Variants in AKAP6 observed in about 807,000 individuals in gnomAD.
AKAP6 encodes A-kinase anchor protein 6.
A neutral mutation model predicts 188.5 loss-of-function variants in AKAP6; 58 were observed. That is an observed-to-expected ratio of 0.31 (90% CI 0.25 to 0.38). The LOEUF (loss-of-function observed/expected upper bound fraction) is 0.38. Among genes scored for constraint, AKAP6 ranks in the 10% least tolerant of loss-of-function variants. The probability of loss-of-function intolerance (pLI) is 1.00; values close to 1 mark genes in which losing one functional copy is unlikely to be tolerated. For missense variants in AKAP6, 2,710 were observed against 2,740.0 expected, an observed-to-expected ratio of 0.99 and a Z score of 0.24; for synonymous variants, 989 against 998.6, an observed-to-expected ratio of 0.99 and a Z score of 0.18.
intron 2 of AKAP6, among the ~76,000 whole-genome samples, chr14:32,460,131 C>CAG (rs1397557770): frequency 2.0e-5 from 3 of 151,966 alleles, no homozygotes; most frequent in Non-Finnish European, 2.9e-5. Flanking sequence ...GAGAATTGGA[C>CAG]AGAGAGAGAG....
Position 32,545,960 on chromosome 14 carries a change from A to G in AKAP6, c.1307A>G (p.Lys436Arg). 1 of 1,614,180 alleles carries G rather than the reference A, an allele frequency of 6.2e-7. No homozygotes were observed. Among genetic ancestry groups the G allele is most frequent in the Non-Finnish European group, 8.5e-7 (1 of 1,180,022 alleles). The change falls in exon 4 of 14, where the codon AAA becomes AGA. Residue 436 changes from lysine to arginine, a missense_variant. Lys to Arg is a conservative substitution (Grantham distance 26). Coordinates refer to ENST00000280979, the MANE Select transcript of AKAP6 (RefSeq NM_004274.5). Reference protein sequence around the residue: ...PSLVDPPDRSKLCLVLQSSYP... With the variant: ...PSLVDPPDRSRLCLVLQSSYP... ...CTAGTAGATCCTCCTGACAGATCCA[A>G]ACTTTGCCTGGTATTGCAGTCTTCT...
intron 2 of AKAP6, among the ~76,000 whole-genome samples, chr14:32,450,361 A>AT (rs1325894312): frequency 2.0e-5 from 3 of 151,854 alleles, no homozygotes; most frequent in African/African-American, 7.3e-5. Flanking sequence ...AGAGGGATTG[A>AT]TTTGTGGCAA....
intron 1 of AKAP6, among the ~76,000 whole-genome samples, chr14:32,397,289 C>A (rs374394151): frequency 6.6e-6 from 1 of 151,950 alleles, no homozygotes. Flanking sequence ...TCTAGCTATT[C>A]ATTGGAACAG....
intron 2 of AKAP6, among the ~76,000 whole-genome samples, chr14:32,528,492 T>TG (rs1279501424): frequency 6.6e-6 from 1 of 152,190 alleles, no homozygotes; most frequent in Non-Finnish European, 1.5e-5. Flanking sequence ...CTGTTACTTA[T>TG]GGGGGCCTAC....
intron 11 of AKAP6, among the ~76,000 whole-genome samples, chr14:32,742,688 CTT>C (rs2139869291): frequency 6.6e-6 from 1 of 151,888 alleles, no homozygotes; most frequent in East Asian, 1.9e-4. Flanking sequence ...CAAAATTTTT[CTT>C]GTTATTGATT....
chr14:32,769,029 C>T (rs2032804594), intron 11 of AKAP6, among the ~76,000 whole-genome samples: 1 of 54,320 alleles, frequency 1.8e-5, no homozygotes, highest in Non-Finnish European at 4.4e-5. Context: ...GATGCAGCTG[C>T]TCTTTTGATT....
chr14:32,552,638 A>G (rs1883526234), intron 4 of AKAP6, among the ~76,000 whole-genome samples: 1 of 152,232 alleles, frequency 6.6e-6, no homozygotes, highest in Admixed American at 6.5e-5. Context: ...GGTGATTAAG[A>G]AGTAAAAAAC....
At chr14:32,688,168 C>G (rs576657154) in intron 8 of AKAP6, among the ~76,000 whole-genome samples, 258 of 151,314 alleles carry the variant, frequency 1.7e-3, no homozygotes, top group Non-Finnish European at 3.1e-3. Context: ...ACACCACACA[C>G]ACACGTCTTT....
intron 7 of AKAP6, among the ~76,000 whole-genome samples, chr14:32,671,384 A>G (rs1268503361): frequency 6.6e-6 from 1 of 152,310 alleles, no homozygotes; most frequent in East Asian, 1.9e-4. Context: ...GTAAACAGCA[A>G]GTATAAACAA....
At chr14:32,666,883 T>C (rs765541695) in intron 7 of AKAP6, among the ~76,000 whole-genome samples, 12 of 152,156 alleles carry the variant, frequency 7.9e-5, no homozygotes, top group Admixed American at 2.6e-4. Flanking sequence ...GGTATGCTCC[T>C]CTACTCATGT....
intron 12 of AKAP6, among the ~76,000 whole-genome samples, chr14:32,805,671 G>T (rs1009260032): frequency 6.6e-6 from 1 of 152,062 alleles, no homozygotes; most frequent in African/African-American, 2.4e-5. Flanking sequence ...AATGCCACTG[G>T]GGTCAAATAA....
chr14:32,655,591 G>A (rs1241414806), intron 7 of AKAP6, among the ~76,000 whole-genome samples: 2 of 152,148 alleles, frequency 1.3e-5, no homozygotes, highest in Admixed American at 1.3e-4. Flanking sequence ...TAGAATTGGG[G>A]AAATGAAAGA....
intron 1 of AKAP6, among the ~76,000 whole-genome samples, chr14:32,337,208 C>G (rs1035077878): frequency 6.6e-6 from 1 of 152,044 alleles, no homozygotes; most frequent in Non-Finnish European, 1.5e-5. Flanking sequence ...CGTGCAAGTA[C>G]AGTTTAAAAA....
intron 11 of AKAP6, among the ~76,000 whole-genome samples, chr14:32,769,925 A>G (rs530464505): frequency 1.3e-5 from 2 of 152,176 alleles, no homozygotes; most frequent in Non-Finnish European, 2.9e-5. Flanking sequence ...GTAAATATCT[A>G]TCTGTTTGCA....
At chr14:32,398,878 G>A (rs1306164233) in intron 1 of AKAP6, among the ~76,000 whole-genome samples, 3 of 103,108 alleles carry the variant, frequency 2.9e-5, no homozygotes, top group East Asian at 2.9e-4. Flanking sequence ...TTTTGATGGA[G>A]TCTTTCTCTG....
intron 1 of AKAP6, among the ~76,000 whole-genome samples, chr14:32,345,042 G>A (rs976720202): frequency 2.0e-5 from 3 of 152,014 alleles, no homozygotes; most frequent in African/African-American, 7.3e-5. Context: ...GTCAAAAAAT[G>A]GCTGTGTAAA....
At chr14:32,413,807 C>T (rs1889569365) in intron 1 of AKAP6, among the ~76,000 whole-genome samples, 1 of 151,948 alleles carries the variant, frequency 6.6e-6, no homozygotes, top group Admixed American at 6.6e-5. Context: ...TTATCACAGG[C>T]AGGAGGGAGG....
At chr14:32,595,086 G>A (rs1885639863) in intron 5 of AKAP6, among the ~76,000 whole-genome samples, 1 of 152,038 alleles carries the variant, frequency 6.6e-6, no homozygotes, top group African/African-American at 2.4e-5. Flanking sequence ...AAAAAAATAT[G>A]AGCACGCAGA....
chr14:32,377,744 G>A (rs1333482618), intron 1 of AKAP6, among the ~76,000 whole-genome samples: 3 of 152,214 alleles, frequency 2.0e-5, no homozygotes, highest in African/African-American at 4.8e-5. Flanking sequence ...AGAGGGCTCT[G>A]TAGGAGTTTT....
Sources: allele counts gnomAD v4.1 joint callset (sites outside exome capture counted in the v4.1 genomes callset), GRCh38; gene constraint gnomAD v4.1.1; transcripts MANE v1.5; gene names NCBI Gene and HGNC (gene_info 2026-07-23, HGNC 2026-07-21).